NCBP2: variants seen among roughly 807,000 people sequenced by gnomAD.
The protein encoded by NCBP2 is nuclear cap binding protein subunit 2.
NCBP2 carries 8 observed loss-of-function variants against 21.5 expected under a neutral mutation model. The observed-to-expected ratio is 0.37, with a 90% CI of 0.22 to 0.67. The LOEUF (loss-of-function observed/expected upper bound fraction) is 0.67. Among genes scored for constraint, NCBP2 ranks in the 30% least tolerant of loss-of-function variants. The pLI is 0.56. For missense variants in NCBP2, 127 were observed against 206.9 expected (o/e 0.61, Z 2.37); for synonymous variants, 92 against 75.8 (o/e 1.21, Z -1.11).
intron 3 of NCBP2, 143 bp downstream of exon 3, chr3:196,937,367 G>A: frequency 1.1e-5 from 14 of 1,261,210 alleles, no homozygotes; most frequent in Non-Finnish European, 1.5e-5. Context: ...CACCCAAACC[G>A]TTGGGTGGTT....
At chr3:196,938,683 AAC>A (rs1211466018) in intron 2 of NCBP2, 1 of 152,324 alleles carries the variant, frequency 6.6e-6, no homozygotes, top group Non-Finnish European at 1.5e-5. Context: ...CCCCCGCTGG[AAC>A]ACAGTCACAA....
intron 1 of NCBP2, chr3:196,941,914 C>T: frequency 6.5e-7 from 1 of 1,536,198 alleles, no homozygotes; most frequent in Non-Finnish European, 8.7e-7. Context: ...AGTGAGGACT[C>T]CACTTGTGTC....
At chr3:196,940,329 A>G (rs1173054943) in intron 1 of NCBP2, among the ~76,000 whole-genome samples, 2 of 152,034 alleles carry the variant, frequency 1.3e-5, no homozygotes, top group African/African-American at 4.8e-5. Flanking sequence ...CTGAGATTGC[A>G]CCACTGCACT....
chr3:196,937,211 T>C (rs1716305374), intron 3 of NCBP2, 129 bp from the exon 4 acceptor site: 1 of 965,266 alleles, frequency 1.0e-6, no homozygotes, highest in Non-Finnish European at 1.7e-6. Context: ...AAGCAGGACA[T>C]ATGCACTTCA....
chr3:196,937,605 T>A lies in NCBP2; in HGVS notation c.304A>T (p.Asn102Tyr). 1.2e-6 allele frequency: 2 copies of A among 1,614,190 alleles called. No homozygotes were observed. The highest frequency in any genetic ancestry group is 1.7e-6 in the Non-Finnish European group (2 of 1,180,032). Reference protein sequence around the residue: ...ADAENAMRYINGTRLDDRIIR... With the variant: ...ADAENAMRYIYGTRLDDRIIR... ...ATTCGGTCATCCAGACGCGTCCCAT[T>A]TATGTACCGCATGGCGTTTTCCGCA... is the stretch of plus-strand genomic sequence containing the variant. The change falls in exon 3 of 4, where the codon AAT becomes TAT. Residue 102 changes from asparagine (N) to tyrosine (Y), a missense_variant. Transcript: ENST00000321256.
chr3:196,941,543 G>T, intron 1 of NCBP2: 1 of 242,426 alleles, frequency 4.1e-6, no homozygotes, highest in Non-Finnish European at 8.0e-6. Flanking sequence ...TCCCTTTTCT[G>T]AATCCTCACT....
chr3:196,941,891 T>TC (rs1716597570), intron 1 of NCBP2: 2 of 1,535,146 alleles, frequency 1.3e-6, no homozygotes, highest in Non-Finnish European at 1.7e-6. Context: ...CTCCGAAGCT[T>TC]CCCCGAGGGC....
intron 3 of NCBP2, 156 bp downstream of exon 3, chr3:196,937,354 A>T (rs74790039): frequency 8.6e-7 from 1 of 1,156,404 alleles, no homozygotes; most frequent in Admixed American, 2.6e-5. Flanking sequence ...TAAAAAAAAA[A>T]TTCACCCAAA....
intron 1 of NCBP2, chr3:196,941,682 C>G: frequency 1.7e-6 from 1 of 577,450 alleles, no homozygotes. Context: ...CCCGCCCCGC[C>G]AACCCCCAAC....
At chr3:196,939,517 A>G (rs961398359) in intron 1 of NCBP2, 85 bp from the exon 2 acceptor site, 7 of 1,074,746 alleles carry the variant, frequency 6.5e-6, no homozygotes, top group Middle Eastern at 3.1e-4. Context: ...GACATTCATT[A>G]ATTCTGGTTT....
intron 1 of NCBP2, chr3:196,941,878 C>G (rs1716596496): frequency 6.5e-7 from 1 of 1,529,996 alleles, no homozygotes; most frequent in African/African-American, 1.4e-5. Context: ...GTCCACCTCC[C>G]CACTCCGAAG....
intron 2 of NCBP2, chr3:196,938,043 C>G: frequency 6.0e-6 from 1 of 165,600 alleles, no homozygotes; most frequent in Non-Finnish European, 1.3e-5. Context: ...TGCTGCACTT[C>G]ACTAAAGGAA....
intron 1 of NCBP2, 102 bp from the exon 2 acceptor site, chr3:196,939,534 C>T: frequency 1.1e-6 from 1 of 899,704 alleles, no homozygotes; most frequent in South Asian, 1.8e-5. Flanking sequence ...GTTTGGAAAT[C>T]AACTTCTCTC....
rs527776439 is a variant in NCBP2 at position 196,940,426 on chromosome 3, G to A, written c.79-994C>T. Among the ~76,000 whole-genome samples, 12 of 151,844 alleles carry A rather than the reference G, an allele frequency of 7.9e-5. No individual in the cohort carries two copies. In the East Asian group the frequency reaches 9.7e-4, roughly 12 times the overall value. On this transcript the variant is annotated intron_variant, in intron 1 of 3. Transcript: ENST00000321256. ...CATTGTATGTTAAAAAGAGGTTTTC[G>A]GAACTTTGGAGTGAGACATTAGAGA... is the stretch of plus-strand genomic sequence containing the variant.
At chr3:196,937,790 G>C in intron 2 of NCBP2, 142 bp from the exon 3 acceptor site, 1 of 966,134 alleles carries the variant, frequency 1.0e-6, no homozygotes, top group Non-Finnish European at 1.6e-6. Flanking sequence ...GCTTGCCCAG[G>C]CCTGTTTGCG....
intron 1 of NCBP2, chr3:196,942,129 C>T: frequency 1.4e-6 from 2 of 1,466,104 alleles, no homozygotes; most frequent in Non-Finnish European, 1.8e-6. Context: ...ACCGTGGAAA[C>T]GGGAGCCGCC....
Position 196,942,406 on chromosome 3 carries a change from C to G in NCBP2, c.78+20G>C, listed in dbSNP as rs537624793. The G allele has an allele frequency of 1.9e-6, 3 of 1,609,808 alleles. No individual in the cohort carries two copies. In the Admixed American group the frequency reaches 5.0e-5, roughly 27 times the overall value. ...GTTCTTGCCCAGGGCCTTCCCGTCT[C>G]GCGGCCCGGCCTCCCTCACCCGGAA... On this transcript the variant is annotated intron_variant, in intron 1 of 3. Coordinates refer to ENST00000321256, the MANE Select transcript of NCBP2 (RefSeq NM_007362.5).
At chr3:196,938,365 A>G (rs1396365319) in intron 2 of NCBP2, 1 of 152,206 alleles carries the variant, frequency 6.6e-6, no homozygotes, top group African/African-American at 2.4e-5. Context: ...CCAGACACTT[A>G]AGGAAAAATT....
chr3:196,939,626 A>T (rs915893976), intron 1 of NCBP2, among the ~76,000 whole-genome samples, 194 bp from the exon 2 acceptor site: 5 of 152,226 alleles, frequency 3.3e-5, no homozygotes, highest in Non-Finnish European at 7.3e-5. Context: ...CCAGACTCTT[A>T]GTAGAGACAG....
Sources: gnomAD v4.1 joint callset for allele counts (sites outside exome capture counted in the v4.1 genomes callset) on GRCh38, gnomAD v4.1.1 for gene constraint, MANE v1.5 for transcripts, NCBI Gene and HGNC (gene_info 2026-07-23, HGNC 2026-07-21) for gene names.